The following CNTNAP3B variants were observed in gnomAD, a reference collection of about 807,000 sequenced individuals.
CNTNAP3B encodes contactin associated protein family member 3B.
A neutral mutation model predicts 108.9 loss-of-function variants in CNTNAP3B; 25 were observed. The observed-to-expected ratio is 0.23, with a 90% confidence interval of 0.17 to 0.32. The LOEUF (loss-of-function observed/expected upper bound fraction) is 0.32. Among genes scored for constraint, CNTNAP3B ranks in the 10% least tolerant of loss-of-function variants. The pLI, the probability that CNTNAP3B is intolerant of heterozygous loss-of-function variation, is 1.00. For missense variants in CNTNAP3B, 252 were observed against 1,210.4 expected (o/e 0.21, Z 11.75); for synonymous variants, 103 against 473.4 (o/e 0.22, Z 10.16).
At chr9:42,115,669 A>G (rs1390386836) in intron 1 of CNTNAP3B, among the ~76,000 whole-genome samples, 24 of 117,540 alleles carry the variant, frequency 2.0e-4, no homozygotes, top group Middle Eastern at 3.8e-3. Context: ...TTAGAAGGAA[A>G]ACTAACAAAC....
At chr9:41,927,361 C>A (rs1206834780) in intron 15 of CNTNAP3B, among the ~76,000 whole-genome samples, 6 of 131,968 alleles carry the variant, frequency 4.5e-5, no homozygotes, top group Non-Finnish European at 6.4e-5. Context: ...TTTCAAAAAG[C>A]ACAGAAACAG....
At chr9:42,016,678 A>G (rs1172984524) in intron 3 of CNTNAP3B, among the ~76,000 whole-genome samples, 3 of 151,978 alleles carry the variant, frequency 2.0e-5, no homozygotes, top group Admixed American at 6.5e-5. Context: ...ATAAACAGCA[A>G]AAGTTACAGC....
intron 3 of CNTNAP3B, among the ~76,000 whole-genome samples, chr9:42,057,469 T>G (rs1827096491): frequency 8.2e-6 from 1 of 122,408 alleles, no homozygotes; most frequent in Non-Finnish European, 1.7e-5. Flanking sequence ...CCTCTCAAAG[T>G]GCTGGAATTA....
intron 3 of CNTNAP3B, among the ~76,000 whole-genome samples, chr9:42,075,023 C>A (rs1000080391): frequency 6.8e-6 from 1 of 146,170 alleles, no homozygotes; most frequent in African/African-American, 2.7e-5. Context: ...AGGGAGGGAT[C>A]TGTTCTATGC....
At chr9:41,916,402 C>T (rs1476463107) in intron 18 of CNTNAP3B, among the ~76,000 whole-genome samples, 1 of 150,096 alleles carries the variant, frequency 6.7e-6, no homozygotes, top group Non-Finnish European at 1.5e-5. Context: ...ATTACCTGCA[C>T]ACTTACATTT....
At chr9:41,956,195 G>A (rs1187245926) in intron 12 of CNTNAP3B, among the ~76,000 whole-genome samples, 3 of 152,144 alleles carry the variant, frequency 2.0e-5, no homozygotes, top group African/African-American at 4.8e-5. Flanking sequence ...GACCATCCTG[G>A]CTAACATAGT....
At chr9:42,075,044 G>A (rs1480937992) in intron 3 of CNTNAP3B, among the ~76,000 whole-genome samples, 1 of 145,722 alleles carries the variant, frequency 6.9e-6, no homozygotes, top group Non-Finnish European at 1.5e-5. Flanking sequence ...CCATCTCCTA[G>A]CTGCTGGTGC....
chr9:42,098,534 G>T (rs1458171221), intron 2 of CNTNAP3B, among the ~76,000 whole-genome samples: 7 of 83,804 alleles, frequency 8.4e-5, no homozygotes, highest in South Asian at 4.1e-4. Flanking sequence ...AGTGAGCAGA[G>T]ATCATGCCAC....
chr9:42,097,161 A>T (rs1168863515), intron 2 of CNTNAP3B, among the ~76,000 whole-genome samples: 3 of 140,354 alleles, frequency 2.1e-5, no homozygotes, highest in Non-Finnish European at 4.6e-5. Context: ...ATTGGAAAAC[A>T]TTATTCTATG....
chr9:42,107,432 T>C (rs539422926), intron 1 of CNTNAP3B, among the ~76,000 whole-genome samples: 2 of 104,190 alleles, frequency 1.9e-5, no homozygotes, highest in South Asian at 3.4e-4. Flanking sequence ...ATAGGTGTAA[T>C]AGATAATAGT....
At chr9:42,001,282 C>T in intron 4 of CNTNAP3B, among the ~76,000 whole-genome samples, 1 of 101,142 alleles carries the variant, frequency 9.9e-6, no homozygotes, top group Admixed American at 1.0e-4. Context: ...AGACTGGTCG[C>T]ACTTGCTTAT....
chr9:42,053,757 C>T (rs1409201258), intron 3 of CNTNAP3B, among the ~76,000 whole-genome samples: 4 of 144,012 alleles, frequency 2.8e-5, no homozygotes, highest in East Asian at 2.1e-4. Context: ...ACTTAGAAAC[C>T]GAGTCAGCAG....
intron 13 of CNTNAP3B, among the ~76,000 whole-genome samples, chr9:41,950,413 G>A (rs1824640298): frequency 7.3e-6 from 1 of 137,458 alleles, no homozygotes; most frequent in Non-Finnish European, 1.6e-5. Context: ...GAAAACTAAT[G>A]TTCACACAAA....
intron 13 of CNTNAP3B, among the ~76,000 whole-genome samples, chr9:41,952,413 TA>T (rs376996052): frequency 2.0e-4 from 31 of 152,192 alleles, no homozygotes; most frequent in Admixed American, 2.0e-3. Context: ...TTGCTAAAAC[TA>T]AAAAAATGAA....
chr9:42,070,708 C>A (rs1292683259), intron 3 of CNTNAP3B, among the ~76,000 whole-genome samples: 1 of 152,166 alleles, frequency 6.6e-6, no homozygotes. Flanking sequence ...CAGCTGCTGC[C>A]TCTGGGCTCA....
chr9:41,943,963 C>T (rs1353185011), intron 13 of CNTNAP3B, among the ~76,000 whole-genome samples: 1 of 152,160 alleles, frequency 6.6e-6, no homozygotes, highest in African/African-American at 2.4e-5. Context: ...AACACCTTAC[C>T]TACATAGGAG....
At chr9:41,923,184 T>C (rs1823716211) in intron 16 of CNTNAP3B, among the ~76,000 whole-genome samples, 1 of 142,164 alleles carries the variant, frequency 7.0e-6, no homozygotes, top group African/African-American at 2.7e-5. Flanking sequence ...TACCCATAGC[T>C]AGAATACCAA....
chr9:41,966,915 C>A (rs1419016643), intron 10 of CNTNAP3B, among the ~76,000 whole-genome samples: 1 of 150,082 alleles, frequency 6.7e-6, no homozygotes, highest in South Asian at 2.1e-4. Context: ...TGCAGTGAGC[C>A]GAGATCGTGC....
chr9:42,044,805 T>C (rs892960142), intron 3 of CNTNAP3B, among the ~76,000 whole-genome samples: 1 of 131,292 alleles, frequency 7.6e-6, no homozygotes, highest in African/African-American at 3.0e-5. Flanking sequence ...GTTTCTAAGA[T>C]AGTGTATGGC....
Sources: gnomAD v4.1 joint callset for allele counts (sites outside exome capture counted in the v4.1 genomes callset) on GRCh38, gnomAD v4.1.1 for gene constraint, MANE v1.5 for transcripts, NCBI Gene and HGNC (gene_info 2026-07-23, HGNC 2026-07-21) for gene names.